The following CDC42 variants were observed in gnomAD, a reference collection of about 807,000 sequenced individuals.
The protein encoded by CDC42 is cell division control protein 42 homolog.
Under a neutral mutation model 20.8 loss-of-function variants are expected in CDC42, and 1 was observed. That is an observed-to-expected ratio of 0.05 (90% CI 0.02 to 0.23). The LOEUF is 0.23. CDC42 is among the 10% of genes least tolerant of loss of function. CDC42 has a pLI of 1.00. For synonymous variants in CDC42, 72 were observed against 84.8 expected, an observed-to-expected ratio of 0.85 and a Z score of 0.83; for missense variants, 49 against 227.9, an observed-to-expected ratio of 0.21 and a Z score of 5.05.
Position 22,099,677 on chromosome 1 carries a change from A to G in CDC42, c.*8160A>G, listed in dbSNP as rs1645777721. Among the ~76,000 whole-genome samples, 1 of 152,194 alleles carries G rather than the reference A, an allele frequency of 6.6e-6. No homozygotes were observed. The highest frequency in any genetic ancestry group is 6.5e-5 in the Admixed American group (1 of 15,286). On this transcript the variant is annotated 3_prime_UTR_variant, in exon 6 of 6. Coordinates refer to ENST00000656825, the MANE Select transcript of CDC42 (RefSeq NM_001791.4). ...AGGTGACTTTAGGATCAGTTGTAGC[A>G]TGAGAGAATATGACACCTTCTTCCT...
At chr1:22,088,912 A>AAAAGTTTCTG (rs1242008159) in intron 5 of CDC42, among the ~76,000 whole-genome samples, 10 of 152,100 alleles carry the variant, frequency 6.6e-5, no homozygotes, top group African/African-American at 2.4e-4. Context: ...GCTTTTAAAG[A>AAAAGTTTCTG]ATTTACTGCT....
intron 1 of CDC42, chr1:22,059,394 A>G (rs909199682): frequency 3.3e-5 from 5 of 152,222 alleles, no homozygotes; most frequent in African/African-American, 1.2e-4. Context: ...ATTCATTATG[A>G]AAACTTAGGT....
At chr1:22,056,157 A>C (rs908756209) in intron 1 of CDC42, among the ~76,000 whole-genome samples, 2 of 152,242 alleles carry the variant, frequency 1.3e-5, no homozygotes, top group African/African-American at 2.4e-5. Flanking sequence ...GTAGGTTTTA[A>C]GAAATATTTT....
intron 5 of CDC42, 109 bp downstream of exon 5, chr1:22,086,975 G>A: frequency 2.3e-6 from 2 of 862,880 alleles, no homozygotes; most frequent in Non-Finnish European, 3.8e-6. Context: ...AAGATGCCCA[G>A]CAAGAATATG....
At chr1:22,072,372 CAGGCTTG>C (rs1373022679) in intron 1 of CDC42, among the ~76,000 whole-genome samples, 3 of 152,034 alleles carry the variant, frequency 2.0e-5, no homozygotes, top group Admixed American at 6.6e-5. Context: ...GCTGGGATTA[CAGGCTTG>C]AACCACCGTG....
chr1:22,066,456 C>T (rs374970492), intron 1 of CDC42, among the ~76,000 whole-genome samples: 3 of 152,080 alleles, frequency 2.0e-5, no homozygotes, highest in African/African-American at 4.8e-5. Flanking sequence ...TTCATTTATT[C>T]GGTGAGTGTG....
chr1:22,053,713 A>T (rs1029499119), intron 1 of CDC42, among the ~76,000 whole-genome samples: 3 of 152,202 alleles, frequency 2.0e-5, no homozygotes, highest in Non-Finnish European at 4.4e-5. Context: ...TTGCAGCCTT[A>T]GTCGGTCACC....
In CDC42 at chr1:22,100,358, CA is replaced by C. The variant is rs1174296086; in HGVS notation, c.*8844del. On this transcript the variant is annotated 3_prime_UTR_variant, in exon 6 of 6. Transcript: ENST00000656825. ...GGCAGGGATGGATGATGTCATTTGT[CA>C]AATGGTAAAACTGAGGCGAAACAAC... is the stretch of plus-strand genomic sequence containing the variant. Among the ~76,000 whole-genome samples, 11 of 152,296 alleles carry C rather than the reference CA, an allele frequency of 7.2e-5. No individual in the cohort carries two copies. Among genetic ancestry groups the C allele is most frequent in the Middle Eastern group, 6.8e-3 (2 of 294 alleles).
rs1645757702 is a variant in CDC42, at chr1:22,096,235, A to C, written c.*4718A>C. Among the ~76,000 whole-genome samples, 1 of 152,216 alleles carries C rather than the reference A, an allele frequency of 6.6e-6. No homozygotes were observed. The highest frequency in any genetic ancestry group is 1.5e-5 in the Non-Finnish European group (1 of 68,032). On this transcript the variant is annotated 3_prime_UTR_variant, in exon 6 of 6. Transcript: ENST00000656825. ...CAGCCTCCCAAAGTGCTGGGATTAT[A>C]GGCATGAGTCACTGCGCCCGGCCTA...
intron 3 of CDC42, among the ~76,000 whole-genome samples, chr1:22,085,144 GTC>G (rs1432501455): frequency 6.7e-6 from 1 of 150,342 alleles, no homozygotes; most frequent in Non-Finnish European, 1.5e-5. Context: ...AGGCAGGAGA[GTC>G]TCTTGAACTG....
chr1:22,083,185 A>G (rs1645626669), intron 3 of CDC42, among the ~76,000 whole-genome samples: 1 of 152,042 alleles, frequency 6.6e-6, no homozygotes, highest in Non-Finnish European at 1.5e-5. Flanking sequence ...CTGGCGAGAA[A>G]AGATAATTTA....
chr1:22,069,937 G>A (rs979578236), intron 1 of CDC42, among the ~76,000 whole-genome samples: 2 of 151,972 alleles, frequency 1.3e-5, no homozygotes, highest in South Asian at 4.2e-4. Flanking sequence ...ACAGGCGCAT[G>A]CCACCATGCC....
intron 5 of CDC42, chr1:22,090,519 C>T (rs888947422): frequency 1.5e-5 from 15 of 987,094 alleles, no homozygotes; most frequent in Non-Finnish European, 1.7e-5. Flanking sequence ...TTCCTTTGTG[C>T]GGTGAAACTT....
chr1:22,089,539 T>G (rs1000448786), intron 5 of CDC42, among the ~76,000 whole-genome samples: 2 of 152,326 alleles, frequency 1.3e-5, no homozygotes, highest in African/African-American at 2.4e-5. Context: ...GGGAAACCAG[T>G]TTACTCTGAA....
At chr1:22,075,755 TACACAGAGGTTGAATA>T (rs1031578258) in intron 1 of CDC42, among the ~76,000 whole-genome samples, 10 of 152,226 alleles carry the variant, frequency 6.6e-5, no homozygotes, top group African/African-American at 1.4e-4. Context: ...GAAACCAAGC[TACACAGAGGTTGAATA>T]ACACAGAGGT....
chr1:22,067,444 C>T (rs1645436984), intron 1 of CDC42, among the ~76,000 whole-genome samples: 1 of 152,138 alleles, frequency 6.6e-6, no homozygotes, highest in Non-Finnish European at 1.5e-5. Context: ...CAGCTCACTG[C>T]AACCTCTACC....
chr1:22,075,571 T>A (rs1645539592), intron 1 of CDC42, among the ~76,000 whole-genome samples: 1 of 152,218 alleles, frequency 6.6e-6, no homozygotes, highest in Admixed American at 6.5e-5. Flanking sequence ...AGTTTGGAAT[T>A]GCTGTTTTAA....
rs997483489 is a variant in CDC42, at chr1:22,086,290, G to A, written c.179-149G>A. The A allele has an allele frequency of 1.3e-4, 69 of 551,724 alleles. 1 individual carries two copies. The East Asian group carries it at 1.9e-3, about 15-fold the overall frequency. The allele number at this position is 551,724 out of a possible 1,614,324, so 34.2% of individuals were successfully genotyped here. A position where few individuals can be genotyped will look rare whatever the true frequency, so the allele number is the denominator to read the frequency against. On this transcript the variant is annotated intron_variant, in intron 3 of 5. Coordinates refer to ENST00000656825, the MANE Select transcript of CDC42 (RefSeq NM_001791.4). Reference sequence around the variant, plus strand: ...TTGAAGTTTGTAGAATTAGCTGATTGAGAATATTGCCCACATATTATATTA... The same window carrying A: ...TTGAAGTTTGTAGAATTAGCTGATTAAGAATATTGCCCACATATTATATTA...
intron 3 of CDC42, among the ~76,000 whole-genome samples, chr1:22,084,302 T>A (rs1038554479): frequency 6.6e-6 from 1 of 151,028 alleles, no homozygotes; most frequent in Non-Finnish European, 1.5e-5. Context: ...GGGTTTGATA[T>A]AGTCACATTC....
Sources: gnomAD v4.1 joint callset for allele counts (sites outside exome capture counted in the v4.1 genomes callset) on GRCh38, gnomAD v4.1.1 for gene constraint, MANE v1.5 for transcripts, NCBI Gene and HGNC (gene_info 2026-07-23, HGNC 2026-07-21) for gene names.